Variants in BICC1 observed in about 807,000 individuals in gnomAD.
BICC1 encodes the protein BicC family RNA binding protein 1.
BICC1 carries 43 observed loss-of-function variants against 111.0 expected under a neutral mutation model. The ratio of observed to expected loss-of-function variants is 0.39; its 90% CI spans 0.30 to 0.50. The LOEUF (loss-of-function observed/expected upper bound fraction) is 0.50. Among genes scored for constraint, BICC1 ranks in the 20% least tolerant of loss-of-function variants. The probability of loss-of-function intolerance (pLI) is 0.88; values close to 1 mark genes in which losing one functional copy is unlikely to be tolerated. For missense variants in BICC1, 1,091 were observed against 1,203.2 expected (o/e 0.91, Z 1.38); for synonymous variants, 467 against 434.4 (o/e 1.07, Z -0.93).
chr10:58,639,821 T>G (rs751220529), intron 2 of BICC1, among the ~76,000 whole-genome samples: 4 of 146,896 alleles, frequency 2.7e-5, no homozygotes, highest in Non-Finnish European at 6.0e-5. Context: ...CAAGTGATCC[T>G]CCTACCTCAG....
intron 1 of BICC1, among the ~76,000 whole-genome samples, chr10:58,613,260 C>G (rs1466558174): frequency 1.3e-5 from 2 of 151,934 alleles, no homozygotes; most frequent in Admixed American, 6.6e-5. Flanking sequence ...TACATCCAAG[C>G]GAATAAACTT....
Position 58,796,326 on chromosome 10 carries a change from ATG to A in BICC1, c.1180-10_1180-9del, listed in dbSNP as rs769380077. 4 of 1,605,626 alleles carry A rather than the reference ATG, an allele frequency of 2.5e-6. No individual in the cohort carries two copies. The highest frequency in any genetic ancestry group is 2.6e-6 in the Non-Finnish European group (3 of 1,175,646). Reference sequence around the variant, plus strand: ...TGCATGTCACCTTTTTTCCCCCATTATGTGTTTTCATAGTCTGTGATTGTGAA... The same window carrying A: ...TGCATGTCACCTTTTTTCCCCCATTATGTTTTCATAGTCTGTGATTGTGAA... On this transcript the variant is annotated splice_polypyrimidine_tract_variant and intron_variant, in intron 9 of 20. Transcript: ENST00000373886.
chr10:58,754,837 G>A (rs1448951045), intron 3 of BICC1, among the ~76,000 whole-genome samples: 1 of 152,066 alleles, frequency 6.6e-6, no homozygotes, highest in East Asian at 1.9e-4. Context: ...TGAGAAGACA[G>A]AGGAAGGCTG....
intron 3 of BICC1, among the ~76,000 whole-genome samples, chr10:58,769,404 G>GTGTGTGTGTA (rs1050060686): frequency 7.3e-5 from 8 of 109,744 alleles, no homozygotes; most frequent in African/African-American, 2.6e-4. Flanking sequence ...GTGTGTGTGT[G>GTGTGTGTGTA]TATATATATA....
At chr10:58,747,956 G>A (rs1841881325) in intron 3 of BICC1, among the ~76,000 whole-genome samples, 1 of 152,060 alleles carries the variant, frequency 6.6e-6, no homozygotes, top group African/African-American at 2.4e-5. Flanking sequence ...ACTAGCTAAA[G>A]CCAAGTCCAA....
At chr10:58,581,332 G>T (rs925253832) in intron 1 of BICC1, among the ~76,000 whole-genome samples, 7 of 152,096 alleles carry the variant, frequency 4.6e-5, no homozygotes, top group Non-Finnish European at 8.8e-5. Context: ...AAATATGTCA[G>T]TTTATGATGA....
chr10:58,513,191 C>T lies in BICC1; in HGVS notation c.48C>T (p.Pro16=), dbSNP rs1414606073. 3.1e-6 allele frequency: 5 copies of T among 1,593,398 alleles called. No homozygotes were observed. The highest frequency in any genetic ancestry group is 3.4e-6 in the Non-Finnish European group (4 of 1,171,594). ...GCTACCTGGCGGCGCAGTCGGACCC[C>T]GGCTCCAACAGCGAGCGCAGCACCG... is the stretch of plus-strand genomic sequence containing the variant. ...EPGYLAAQSD[P]GSNSERSTDS... The change falls in exon 1 of 21, where the codon CCC becomes CCT. Residue 16 remains proline (P), a synonymous_variant. Coordinates refer to ENST00000373886, the MANE Select transcript of BICC1 (RefSeq NM_001080512.3).
chr10:58,695,696 G>T (rs2132427461), intron 2 of BICC1, among the ~76,000 whole-genome samples: 1 of 152,280 alleles, frequency 6.6e-6, no homozygotes. Flanking sequence ...TTGCTGGCTT[G>T]GCAAAGGTTT....
intron 2 of BICC1, chr10:58,648,725 A>T (rs7085920): frequency 1.1e-6 from 1 of 876,406 alleles, no homozygotes; most frequent in African/African-American, 1.8e-5. Context: ...CCATAATGCT[A>T]CTTGCTACTC....
chr10:58,638,218 G>C (rs1838009052), intron 2 of BICC1, among the ~76,000 whole-genome samples: 1 of 151,750 alleles, frequency 6.6e-6, no homozygotes, highest in Admixed American at 6.6e-5. Flanking sequence ...AGAAATTGAG[G>C]GTTCATGTAG....
intron 1 of BICC1, among the ~76,000 whole-genome samples, chr10:58,536,877 T>C (rs2131870795): frequency 6.6e-6 from 1 of 151,810 alleles, no homozygotes; most frequent in South Asian, 2.1e-4. Flanking sequence ...ACATTACAAC[T>C]GACACCTCAG....
Position 58,796,543 on chromosome 10 carries a change from T to C in BICC1, c.1366+17T>C. The C allele has an allele frequency of 6.3e-7, 1 of 1,596,292 alleles. No homozygotes were observed. The highest frequency in any genetic ancestry group is 8.5e-7 in the Non-Finnish European group (1 of 1,169,964). The stretch of plus-strand genomic sequence containing the variant: ...CTGGACTAGGTATACAATTTATTAT[T>C]ACAGCGCGTCTCAGTCACTGGGGAA... On this transcript the variant is annotated intron_variant, in intron 10 of 20. Transcript: ENST00000373886.
chr10:58,624,711 A>T (rs1845933259), intron 2 of BICC1, among the ~76,000 whole-genome samples: 4 of 152,154 alleles, frequency 2.6e-5, no homozygotes, highest in African/African-American at 9.7e-5. Flanking sequence ...CTCCTGCCTC[A>T]GCCTCCCTGG....
chr10:58,567,845 A>T (rs919522811), intron 1 of BICC1, among the ~76,000 whole-genome samples: 43 of 152,048 alleles, frequency 2.8e-4, no homozygotes, highest in Non-Finnish European at 2.4e-4. Context: ...ACGTCATCTG[A>T]TTCTCAAGTA....
chr10:58,546,787 TC>T (rs1843149074), intron 1 of BICC1, among the ~76,000 whole-genome samples: 1 of 152,154 alleles, frequency 6.6e-6, no homozygotes, highest in South Asian at 2.1e-4. Flanking sequence ...AAGAAAAAAA[TC>T]AATATTAAAG....
chr10:58,827,654 C>A (rs1224205390), intron 20 of BICC1, among the ~76,000 whole-genome samples: 4 of 151,928 alleles, frequency 2.6e-5, no homozygotes, highest in Non-Finnish European at 5.9e-5. Flanking sequence ...CAGAAGAGTT[C>A]CGATTATTCA....
intron 20 of BICC1, among the ~76,000 whole-genome samples, chr10:58,828,003 T>G (rs1384849785): frequency 6.6e-6 from 1 of 152,224 alleles, no homozygotes; most frequent in Non-Finnish European, 1.5e-5. Flanking sequence ...AATGATTATC[T>G]TAGTATTTTC....
intron 20 of BICC1, among the ~76,000 whole-genome samples, chr10:58,822,926 A>G (rs536378367): frequency 6.6e-6 from 1 of 152,234 alleles, no homozygotes; most frequent in South Asian, 2.1e-4. Flanking sequence ...TAAACTTATA[A>G]TCTGAGTGAT....
chr10:58,564,399 A>G (rs909508637), intron 1 of BICC1, among the ~76,000 whole-genome samples: 19 of 152,186 alleles, frequency 1.2e-4, no homozygotes, highest in African/African-American at 4.6e-4. Flanking sequence ...ATCATCTCAA[A>G]TATCAGCAGT....
Sources: allele counts gnomAD v4.1 joint callset (sites outside exome capture counted in the v4.1 genomes callset), GRCh38; gene constraint gnomAD v4.1.1; transcripts MANE v1.5; gene names NCBI Gene and HGNC (gene_info 2026-07-23, HGNC 2026-07-21).